The following ANXA4 variants were observed in gnomAD, a reference collection of about 807,000 sequenced individuals.
ANXA4 encodes 35-beta calcimedin.
Under a neutral mutation model 49.8 loss-of-function variants are expected in ANXA4, and 39 were observed. The ratio of observed to expected loss-of-function variants is 0.78; its 90% CI spans 0.61 to 1.02. ANXA4 has a LOEUF of 1.02. Ranked by LOEUF, ANXA4 falls within the 50% of genes least tolerant of loss-of-function variation. The pLI is 0.00. For missense variants in ANXA4, 360 were observed against 410.1 expected (o/e 0.88, Z 1.05); for synonymous variants, 134 against 152.5 (o/e 0.88, Z 0.89).
chr2:69,749,362 A>T (rs1345608534), intron 1 of ANXA4, among the ~76,000 whole-genome samples: 1 of 151,942 alleles, frequency 6.6e-6, no homozygotes, highest in African/African-American at 2.4e-5. Context: ...AGGAGGGGGG[A>T]TGTCTTTGGT....
chr2:69,812,602 A>C (rs771173092), intron 7 of ANXA4, 51 bp from the exon 8 acceptor site: 1 of 1,510,848 alleles, frequency 6.6e-7, no homozygotes. Context: ...GTGTCCCCAG[A>C]TCTTCATGTA....
chr2:69,688,484 T>C (rs1218256234), intron 2 of ANXA4, among the ~76,000 whole-genome samples: 1 of 152,236 alleles, frequency 6.6e-6, no homozygotes. Flanking sequence ...TAAACGGTGA[T>C]CTTCTAATTT....
chr2:69,656,234 T>C (rs866189221), intron 2 of ANXA4, among the ~76,000 whole-genome samples: 2 of 121,312 alleles, frequency 1.6e-5, no homozygotes, highest in East Asian at 6.6e-4. Flanking sequence ...TATATGTATA[T>C]ATATACGTAT....
chr2:69,791,321 A>G lies in ANXA4; in HGVS notation c.97+3180A>G, dbSNP rs375516738. Among the ~76,000 whole-genome samples, 15 of 152,376 alleles carry G rather than the reference A, an allele frequency of 9.8e-5. No homozygotes were observed. In the East Asian group the frequency reaches 1.9e-3, roughly 20 times the overall value. On this transcript the variant is annotated intron_variant, in intron 3 of 12. Coordinates refer to ENST00000394295, the MANE Select transcript of ANXA4 (RefSeq NM_001153.5). ...TAAGCTTGATTCCTTAAAGGGAAAT[A>G]TACCCTTCTAGTCAAAGCCTTGGTA...
At chr2:69,743,388 T>A (rs945179843) in intron 1 of ANXA4, among the ~76,000 whole-genome samples, 1 of 152,248 alleles carries the variant, frequency 6.6e-6, no homozygotes, top group East Asian at 1.9e-4. Context: ...TGGCTAATTT[T>A]TGTATTTTTA....
At chr2:69,744,204 A>G (rs1233203036) in intron 1 of ANXA4, among the ~76,000 whole-genome samples, 1 of 152,094 alleles carries the variant, frequency 6.6e-6, no homozygotes, top group Non-Finnish European at 1.5e-5. Flanking sequence ...GCTACTTGGG[A>G]GGCTGGGAGG....
intron 2 of ANXA4, among the ~76,000 whole-genome samples, chr2:69,656,267 A>G (rs1411355835): frequency 7.5e-6 from 1 of 134,020 alleles, no homozygotes; most frequent in Non-Finnish European, 1.5e-5. Flanking sequence ...ACGTATATAT[A>G]TGTATATACG....
chr2:69,651,989 A>G (rs1469565781), intron 1 of ANXA4, among the ~76,000 whole-genome samples: 3 of 150,470 alleles, frequency 2.0e-5, no homozygotes, highest in African/African-American at 7.3e-5. Context: ...CTTTTTATTG[A>G]ATTTTTATTG....
chr2:69,783,717 T>C (rs1426307692), intron 2 of ANXA4, among the ~76,000 whole-genome samples: 1 of 152,164 alleles, frequency 6.6e-6, no homozygotes, highest in Non-Finnish European at 1.5e-5. Context: ...GGACATTTTA[T>C]CATTCCTAGA....
intron 1 of ANXA4, among the ~76,000 whole-genome samples, chr2:69,774,495 T>C (rs930984606): frequency 4.0e-5 from 6 of 151,750 alleles, no homozygotes; most frequent in Admixed American, 1.3e-4. Flanking sequence ...CCCGCCACCA[T>C]GCCTGACTAA....
At chr2:69,676,030 A>G (rs982146307) in intron 2 of ANXA4, among the ~76,000 whole-genome samples, 6 of 150,346 alleles carry the variant, frequency 4.0e-5, no homozygotes, top group East Asian at 1.9e-4. Flanking sequence ...TAATAATGAT[A>G]ATAATAATAA....
At chr2:69,727,022 A>G (rs1669978804) in intron 3 of ANXA4, among the ~76,000 whole-genome samples, 1 of 152,080 alleles carries the variant, frequency 6.6e-6, no homozygotes, top group African/African-American at 2.4e-5. Flanking sequence ...AGCTGGGACT[A>G]CAGGTGTGCA....
chr2:69,678,865 T>C (rs913333277), intron 2 of ANXA4, among the ~76,000 whole-genome samples: 5 of 152,200 alleles, frequency 3.3e-5, no homozygotes, highest in African/African-American at 1.2e-4. Context: ...TTGTCTGTTG[T>C]TTTAATTTTA....
chr2:69,791,330 T>C (rs6718517), intron 3 of ANXA4, among the ~76,000 whole-genome samples: 87,594 of 152,138 alleles, frequency 0.58, 27,569 homozygotes, highest in African/African-American at 0.83. Flanking sequence ...TATACCCTTC[T>C]AGTCAAAGCC....
At chr2:69,743,963 C>T (rs1020551603) in intron 1 of ANXA4, among the ~76,000 whole-genome samples, 1 of 152,156 alleles carries the variant, frequency 6.6e-6, no homozygotes, top group Non-Finnish European at 1.5e-5. Context: ...TGTCCAGCCA[C>T]TCATTTGTTT....
At position 69,716,478 on chromosome 2, in the gene ANXA4, G is replaced by A. The variant is rs12614359; in HGVS notation, n.767-4296G>A. ...AGCTCAGGATGACTTGAGCTGAGAT[G>A]TGCAGAGGGGGTTGGAGAGACGGGC... On this transcript the variant is annotated intron_variant and non_coding_transcript_variant, in intron 2 of 3. Coordinates refer to the ANXA4 transcript ENST00000418066. Among the ~76,000 whole-genome samples, 38 of 152,242 alleles carry A rather than the reference G, an allele frequency of 2.5e-4. 1 individual carries two copies. The South Asian group carries it at 7.9e-3, about 32-fold the overall frequency.
intron 1 of ANXA4, among the ~76,000 whole-genome samples, chr2:69,770,651 C>T (rs1205169744): frequency 1.3e-5 from 2 of 151,810 alleles, no homozygotes; most frequent in Non-Finnish European, 2.9e-5. Flanking sequence ...TCCAGCAGAC[C>T]CAGAGAAACT....
chr2:69,656,203 AT>A (rs1676436148), intron 2 of ANXA4, among the ~76,000 whole-genome samples: 1 of 137,520 alleles, frequency 7.3e-6, no homozygotes, highest in African/African-American at 2.8e-5. Context: ...ATATATATAT[AT>A]ACACACACAT....
upstream of ANXA4, among the ~76,000 whole-genome samples, chr2:69,741,312 C>T (rs1011171681): frequency 6.6e-6 from 1 of 152,206 alleles, no homozygotes; most frequent in East Asian, 1.9e-4. Flanking sequence ...GGTGCAAAGA[C>T]GACCTAGCCC....
Sources: allele counts gnomAD v4.1 joint callset (sites outside exome capture counted in the v4.1 genomes callset), GRCh38; gene constraint gnomAD v4.1.1; transcripts MANE v1.5; gene names NCBI Gene and HGNC (gene_info 2026-07-23, HGNC 2026-07-21).